Variants in KSR1 observed in about 807,000 individuals in gnomAD.
The protein encoded by KSR1 is kinase suppressor of ras.
A neutral mutation model predicts 92.9 loss-of-function variants in KSR1; 35 were observed. The observed-to-expected ratio is 0.38, with a 90% CI of 0.29 to 0.50. The LOEUF is 0.50. KSR1 is among the 20% of genes least tolerant of loss of function. The probability of loss-of-function intolerance (pLI) is 0.94; values close to 1 mark genes in which losing one functional copy is unlikely to be tolerated. For synonymous variants in KSR1, 467 were observed against 472.6 expected, an observed-to-expected ratio of 0.99 and a Z score of 0.15; for missense variants, 972 against 1,158.5, an observed-to-expected ratio of 0.84 and a Z score of 2.34.
chr17:27,616,471 T>C (rs1037492289), intron 18 of KSR1, among the ~76,000 whole-genome samples: 4 of 152,224 alleles, frequency 2.6e-5, no homozygotes, highest in Middle Eastern at 3.2e-3. Flanking sequence ...GTTTTATGGA[T>C]AGAGCAGCTG....
intron 2 of KSR1, among the ~76,000 whole-genome samples, chr17:27,571,765 C>T (rs994334501): frequency 2.0e-5 from 3 of 152,356 alleles, no homozygotes; most frequent in South Asian, 2.1e-4. Context: ...AGCTTTCACC[C>T]GTGTTCTTGC....
intron 5 of KSR1, chr17:27,586,058 C>T (rs2072955540): frequency 4.2e-6 from 1 of 240,850 alleles, no homozygotes; most frequent in South Asian, 7.2e-5. Context: ...CTTTAGCCAT[C>T]TCCAGAACCC....
intron 12 of KSR1, 116 bp from the exon 13 acceptor site, chr17:27,604,564 G>A (rs1357680502): frequency 9.5e-7 from 1 of 1,049,480 alleles, no homozygotes; most frequent in Non-Finnish European, 1.5e-6. Context: ...CTTTCCCCTA[G>A]CCAGGTGTGA....
chr17:27,503,864 A>G (rs997424483), intron 1 of KSR1, among the ~76,000 whole-genome samples: 1 of 152,216 alleles, frequency 6.6e-6, no homozygotes, highest in Admixed American at 6.5e-5. Flanking sequence ...TAGTCAACTC[A>G]CGATGAACAC....
At chr17:27,588,609 CA>C in intron 6 of KSR1, 74 bp downstream of exon 6, 1 of 1,336,002 alleles carries the variant, frequency 7.5e-7, no homozygotes, top group Non-Finnish European at 1.0e-6. Flanking sequence ...GAGTTCTGGT[CA>C]CTGTTTCTCA....
intron 6 of KSR1, among the ~76,000 whole-genome samples, chr17:27,589,443 C>G (rs139330523): frequency 1.3e-5 from 2 of 152,190 alleles, no homozygotes; most frequent in Non-Finnish European, 2.9e-5. Flanking sequence ...ACACAGCATC[C>G]CAACTGTGGC....
rs1026041190 is a variant in KSR1 at position 27,559,013 on chromosome 17, T to C, written c.372+8305T>C. ...CTGTGTGTGTAATCTCCTCCTTCCT[T>C]TTCCATATTGTTTTCCTAAGGGCCA... On this transcript the variant is annotated intron_variant, in intron 2 of 20. Transcript: ENST00000644974. This position sits in a 1 kb window ranked among gnomAD's most constrained non-coding sequence, Gnocchi z 4.2. Among the ~76,000 whole-genome samples, 1 of 152,226 alleles carries C rather than the reference T, an allele frequency of 6.6e-6. No homozygotes were observed. The highest frequency in any genetic ancestry group is 1.5e-5 in the Non-Finnish European group (1 of 68,036).
At chr17:27,614,129 T>C (rs2073994429) in intron 18 of KSR1, among the ~76,000 whole-genome samples, 1 of 152,244 alleles carries the variant, frequency 6.6e-6, no homozygotes, top group Non-Finnish European at 1.5e-5. Flanking sequence ...ATTTAAGACA[T>C]ACATATCATA....
chr17:27,605,062 G>C (rs910833596), intron 13 of KSR1, among the ~76,000 whole-genome samples: 1 of 152,218 alleles, frequency 6.6e-6, no homozygotes, highest in South Asian at 2.1e-4. Context: ...TCCTGCCCAG[G>C]GGAGAGTCAG....
intron 1 of KSR1, among the ~76,000 whole-genome samples, chr17:27,472,796 C>A (rs1359395442): frequency 6.6e-6 from 1 of 151,986 alleles, no homozygotes; most frequent in Non-Finnish European, 1.5e-5. Context: ...GAGCGAGACT[C>A]CATCTCAAAA....
intron 2 of KSR1, among the ~76,000 whole-genome samples, chr17:27,568,175 A>G (rs1315241403): frequency 6.6e-6 from 1 of 152,356 alleles, no homozygotes; most frequent in Non-Finnish European, 1.5e-5. Flanking sequence ...CCTGTCTCCT[A>G]GTTGGACCCC....
rs749597858 is a variant in KSR1 at position 27,605,435 on chromosome 17, C to A, written c.1616C>A (p.Ala539Asp). ...CTGTTCTTCCTGCTCTCCTTTCAGG[C>A]TGAGGAGCCAGAGGCTGGCAAGTCA... ...ADVLEAHEAE[A>D]EEPEAGKSEA... The change falls in exon 14 of 21, where the codon GCT (alanine) becomes GAT (aspartate). Residue 539 changes from alanine (A) to aspartate (D), a missense_variant and splice_region_variant. Physicochemically the swap from Ala to Asp is moderately radical, Grantham distance 126. Around this residue, in one of 5 missense-constraint regions of KSR1, gnomAD observed 611 missense variants for 668.0 expected, o/e 0.91. Transcript: ENST00000644974. The A allele has an allele frequency of 6.2e-7, 1 of 1,608,970 alleles. No homozygotes were observed. Among genetic ancestry groups the A allele is most frequent in the Non-Finnish European group, 8.5e-7 (1 of 1,178,906 alleles).
intron 1 of KSR1, chr17:27,526,644 C>T (rs1413044770): frequency 1.3e-6 from 2 of 1,561,510 alleles, no homozygotes; most frequent in Non-Finnish European, 1.8e-6. Flanking sequence ...TTTAAAGCAC[C>T]TTCCTGAGAG....
At chr17:27,487,503 C>G (rs902981055) in intron 1 of KSR1, among the ~76,000 whole-genome samples, 1 of 151,410 alleles carries the variant, frequency 6.6e-6, no homozygotes, top group Non-Finnish European at 1.5e-5. Flanking sequence ...AATCCCAGCA[C>G]TTTGGGAGGC....
intron 10 of KSR1, among the ~76,000 whole-genome samples, chr17:27,599,308 A>T (rs2073459037): frequency 6.6e-6 from 1 of 152,268 alleles, no homozygotes; most frequent in Admixed American, 6.5e-5. Flanking sequence ...CTGTAATTCC[A>T]GCATTTTGGG....
intron 1 of KSR1, among the ~76,000 whole-genome samples, chr17:27,520,166 G>A (rs975770999): frequency 3.3e-5 from 5 of 152,120 alleles, no homozygotes; most frequent in Admixed American, 2.6e-4. Flanking sequence ...AATGAGTTTC[G>A]GAGAGTTTCT....
intron 10 of KSR1, among the ~76,000 whole-genome samples, chr17:27,601,036 T>G (rs1171449595): frequency 2.0e-5 from 3 of 152,260 alleles, no homozygotes; most frequent in Non-Finnish European, 4.4e-5. Context: ...CTTTTCAGAA[T>G]CACTGTTTCT....
At position 27,617,392 on chromosome 17, in the gene KSR1, G is replaced by T; in HGVS notation, c.2591G>T (p.Arg864Leu). The T allele has an allele frequency of 6.2e-7, 1 of 1,612,736 alleles. No individual in the cohort carries two copies. The highest frequency in any genetic ancestry group is 8.5e-7 in the Non-Finnish European group (1 of 1,179,220). ...GAGAAACTTCCCAAGCTGAACCGGC[G>T]GCTCTCCCACCCTGGACACTTCTGG... Reference protein sequence around the residue: ...MLEKLPKLNRRLSHPGHFWKS... With the variant: ...MLEKLPKLNRLLSHPGHFWKS... The change falls in exon 19 of 21, where the codon CGG becomes CTG. Residue 864 changes from arginine to leucine, a missense_variant. Physicochemically the swap from Arg to Leu is moderately radical, Grantham distance 102. This residue lies in a region of KSR1 where 46 missense variants were observed against 39.0 expected (regional missense o/e 1.18). Transcript: ENST00000644974.
intron 2 of KSR1, among the ~76,000 whole-genome samples, chr17:27,557,376 C>A (rs1405020067): frequency 2.0e-5 from 3 of 152,232 alleles, no homozygotes; most frequent in Non-Finnish European, 4.4e-5. Flanking sequence ...GTCATGGCAT[C>A]TGTCCCCTCT....
Sources: allele counts gnomAD v4.1 joint callset (sites outside exome capture counted in the v4.1 genomes callset), GRCh38; gene constraint gnomAD v4.1.1; regional missense constraint gnomAD v4.1.1; non-coding constraint Gnocchi (gnomAD v3.1); transcripts MANE v1.5; gene names NCBI Gene and HGNC (gene_info 2026-07-23, HGNC 2026-07-21).